Variants in ERMP1 observed in about 807,000 individuals in gnomAD.
The protein encoded by ERMP1 is endoplasmic reticulum metallopeptidase 1, also known as Felix-ina.
Under a neutral mutation model 92.0 loss-of-function variants are expected in ERMP1, and 86 were observed. The observed-to-expected ratio is 0.93, with a 90% CI of 0.79 to 1.12. The LOEUF (loss-of-function observed/expected upper bound fraction) is 1.12. Among genes scored for constraint, ERMP1 ranks in the 50% most tolerant of loss-of-function variants. ERMP1 has a pLI of 0.00. For synonymous variants in ERMP1, 530 were observed against 412.8 expected, an observed-to-expected ratio of 1.28 and a Z score of -3.44; for missense variants, 1,342 against 1,116.3, an observed-to-expected ratio of 1.20 and a Z score of -2.88.
At chr9:5,793,272 T>TAA (rs540311191) in intron 13 of ERMP1, among the ~76,000 whole-genome samples, 1 of 147,936 alleles carries the variant, frequency 6.8e-6, no homozygotes, top group African/African-American at 2.5e-5. Flanking sequence ...TAAAAAAGGT[T>TAA]AAAAAAAAAA....
chr9:5,839,898 A>T (rs911380327), intron 6 of ERMP1, among the ~76,000 whole-genome samples: 2 of 152,248 alleles, frequency 1.3e-5, no homozygotes, highest in African/African-American at 2.4e-5. Flanking sequence ...TGCTAAAAAA[A>T]TCATCCTCCT....
chr9:5,837,342 C>CCA (rs1830106788), upstream of ERMP1, among the ~76,000 whole-genome samples: 1 of 152,048 alleles, frequency 6.6e-6, no homozygotes, highest in East Asian at 1.9e-4. Context: ...ACACACACAT[C>CCA]CACACACACC....
At chr9:5,865,991 G>A (rs1189041401) in intron 5 of ERMP1, among the ~76,000 whole-genome samples, 1 of 151,856 alleles carries the variant, frequency 6.6e-6, no homozygotes, top group Non-Finnish European at 1.5e-5. Flanking sequence ...CATTCTTTTT[G>A]CATTTTCCAA....
chr9:5,861,252 G>A (rs1445250940), intron 5 of ERMP1, among the ~76,000 whole-genome samples: 2 of 97,360 alleles, frequency 2.1e-5, no homozygotes, highest in African/African-American at 2.8e-5. Flanking sequence ...TACTGGAGAG[G>A]GAAAAAAAAT....
intron 4 of ERMP1, among the ~76,000 whole-genome samples, chr9:5,819,185 A>G (rs376960379): frequency 2.0e-4 from 30 of 152,372 alleles, no homozygotes; most frequent in African/African-American, 7.0e-4. Flanking sequence ...TCGATGGATG[A>G]ATGGATAAAC....
At chr9:5,844,450 T>A (rs1019529737) in intron 6 of ERMP1, among the ~76,000 whole-genome samples, 3 of 152,164 alleles carry the variant, frequency 2.0e-5, no homozygotes, top group African/African-American at 7.2e-5. Context: ...AATTTTTGTA[T>A]TTTTAGTAGA....
At chr9:5,821,763 G>C (rs929333286) in intron 4 of ERMP1, among the ~76,000 whole-genome samples, 1 of 152,208 alleles carries the variant, frequency 6.6e-6, no homozygotes, top group African/African-American at 2.4e-5. Flanking sequence ...TAAAAGCATG[G>C]AGATGAAGGC....
At chr9:5,864,276 G>C (rs10758712) in intron 5 of ERMP1, among the ~76,000 whole-genome samples, 1 of 151,802 alleles carries the variant, frequency 6.6e-6, no homozygotes, top group East Asian at 1.9e-4. Context: ...TGTTCCTCTA[G>C]TCTCCCTATC....
At position 5,819,351 on chromosome 9, in the gene ERMP1, T is replaced by C. The variant is rs534949876; in HGVS notation, c.874+4545A>G. ...CCGATAACGGAGCCAGGGAAGGCCATGAAGGGAGGGTTCTCATGCACAAAT... is the reference window on the plus strand; with the variant it reads ...CCGATAACGGAGCCAGGGAAGGCCACGAAGGGAGGGTTCTCATGCACAAAT... On this transcript the variant is annotated intron_variant, in intron 4 of 14. Coordinates refer to ENST00000339450, the MANE Select transcript of ERMP1 (RefSeq NM_024896.3). Among the ~76,000 whole-genome samples the C allele has an allele frequency of 2.6e-4, 39 of 152,158 alleles. No individual in the cohort carries two copies. In the South Asian group the frequency reaches 3.1e-3, roughly 12 times the overall value.
chr9:5,847,268 C>T (rs142887907), intron 6 of ERMP1, among the ~76,000 whole-genome samples: 20 of 152,204 alleles, frequency 1.3e-4, no homozygotes, highest in Middle Eastern at 6.8e-3. Flanking sequence ...ATGTGGATGA[C>T]TATAAACAGG....
intron 4 of ERMP1, among the ~76,000 whole-genome samples, chr9:5,814,345 A>C (rs73390161): frequency 0.015 from 2,270 of 152,308 alleles, 64 homozygotes; most frequent in African/African-American, 0.052. Context: ...AAAACTTAGC[A>C]ACATATTGAC....
At chr9:5,789,679 G>A (rs904570686) in intron 13 of ERMP1, among the ~76,000 whole-genome samples, 1 of 152,046 alleles carries the variant, frequency 6.6e-6, no homozygotes, top group African/African-American at 2.4e-5. Context: ...CTGTCACCTA[G>A]GGTCGAGTGC....
At chr9:5,839,238 A>G (rs1368193068) in intron 6 of ERMP1, among the ~76,000 whole-genome samples, 1 of 152,232 alleles carries the variant, frequency 6.6e-6, no homozygotes, top group East Asian at 1.9e-4. Flanking sequence ...ATTTTCACTT[A>G]ATCATTGTTC....
intron 6 of ERMP1, among the ~76,000 whole-genome samples, chr9:5,842,505 T>G (rs1445750057): frequency 6.6e-6 from 1 of 151,976 alleles, no homozygotes; most frequent in Non-Finnish European, 1.5e-5. Flanking sequence ...TAGCTGTGGT[T>G]TGCACAACAT....
At chr9:5,841,739 C>CTCTT (rs988568527) in intron 6 of ERMP1, among the ~76,000 whole-genome samples, 4 of 152,168 alleles carry the variant, frequency 2.6e-5, no homozygotes, top group African/African-American at 4.8e-5. Context: ...TGCAGTGAGC[C>CTCTT]AAGATTGCGC....
At chr9:5,867,082 G>T (rs1340708117) in intron 5 of ERMP1, among the ~76,000 whole-genome samples, 2 of 152,092 alleles carry the variant, frequency 1.3e-5, no homozygotes, top group Non-Finnish European at 2.9e-5. Flanking sequence ...TATAGTCCTG[G>T]CTACTTGGCA....
At chr9:5,809,739 A>G (rs1002523319) in intron 8 of ERMP1, among the ~76,000 whole-genome samples, 8 of 152,236 alleles carry the variant, frequency 5.3e-5, no homozygotes, top group Admixed American at 2.0e-4. Context: ...ACACTGCAGC[A>G]AATTCAGTAG....
At chr9:5,802,540 G>A (rs763330251) in intron 10 of ERMP1, among the ~76,000 whole-genome samples, 3 of 151,988 alleles carry the variant, frequency 2.0e-5, no homozygotes, top group African/African-American at 4.8e-5. Flanking sequence ...GTGCACCACC[G>A]TGCTCAGCTA....
intron 9 of ERMP1, 80 bp from the exon 10 acceptor site, chr9:5,805,297 G>C (rs1225418099): frequency 9.2e-7 from 1 of 1,091,234 alleles, no homozygotes; most frequent in Non-Finnish European, 1.3e-6. Context: ...GGTGTGCCTT[G>C]GTACCCTAAC....
Sources: gnomAD v4.1 joint callset for allele counts (sites outside exome capture counted in the v4.1 genomes callset) on GRCh38, gnomAD v4.1.1 for gene constraint, MANE v1.5 for transcripts, NCBI Gene and HGNC (gene_info 2026-07-23, HGNC 2026-07-21) for gene names.